Variants in OPCML observed in about 807,000 individuals in gnomAD.
The protein encoded by OPCML is opioid-binding protein/cell adhesion molecule.
In OPCML, 13 loss-of-function variants were observed where a neutral mutation model predicts 37.8. The ratio of observed to expected loss-of-function variants is 0.34; its 90% CI spans 0.22 to 0.55. OPCML has a LOEUF of 0.55. Ranked by LOEUF, OPCML falls within the 20% of genes least tolerant of loss-of-function variation. The pLI is 0.91. For missense variants in OPCML, 341 were observed against 435.6 expected, an observed-to-expected ratio of 0.78 and a Z score of 1.93; for synonymous variants, 176 against 168.8, an observed-to-expected ratio of 1.04 and a Z score of -0.33.
intron 1 of OPCML, among the ~76,000 whole-genome samples, chr11:133,496,962 C>T (rs1947800616): frequency 6.6e-6 from 1 of 152,142 alleles, no homozygotes; most frequent in Non-Finnish European, 1.5e-5. Context: ...TGAGCGTGGG[C>T]ATCCCTGTCT....
intron 2 of OPCML, among the ~76,000 whole-genome samples, chr11:132,726,882 T>C (rs1273015084): frequency 1.3e-5 from 2 of 152,184 alleles, no homozygotes; most frequent in Admixed American, 1.3e-4. Flanking sequence ...CCGCACTTCC[T>C]ACCAAACCCC....
chr11:133,352,368 G>T (rs1944160717), intron 1 of OPCML, among the ~76,000 whole-genome samples: 1 of 152,092 alleles, frequency 6.6e-6, no homozygotes, highest in South Asian at 2.1e-4. Context: ...CCTCTTCTTG[G>T]CCGGGAATGC....
chr11:133,280,032 G>A (rs1263662700), intron 1 of OPCML, among the ~76,000 whole-genome samples: 1 of 152,186 alleles, frequency 6.6e-6, no homozygotes, highest in East Asian at 1.9e-4. Flanking sequence ...CAGGGAAGAA[G>A]TATTTATTGA....
At chr11:132,860,982 G>T (rs1942276845) in intron 2 of OPCML, among the ~76,000 whole-genome samples, 1 of 152,182 alleles carries the variant, frequency 6.6e-6, no homozygotes, top group Non-Finnish European at 1.5e-5. Flanking sequence ...CAACTAAAAT[G>T]CTATACAAAC....
At chr11:132,962,316 T>C (rs1022863062) in intron 1 of OPCML, among the ~76,000 whole-genome samples, 9 of 152,184 alleles carry the variant, frequency 5.9e-5, no homozygotes, top group African/African-American at 1.9e-4. Context: ...GCCCGGGCTC[T>C]CTCTGCCTGC....
At chr11:133,042,350 A>C (rs1947918987) in intron 1 of OPCML, among the ~76,000 whole-genome samples, 1 of 152,208 alleles carries the variant, frequency 6.6e-6, no homozygotes, top group Admixed American at 6.5e-5. Flanking sequence ...GCCCTCATGC[A>C]TGGAGCACTG....
intron 1 of OPCML, among the ~76,000 whole-genome samples, chr11:133,406,029 T>A (rs1431855724): frequency 6.6e-6 from 1 of 152,166 alleles, no homozygotes; most frequent in Non-Finnish European, 1.5e-5. Context: ...TGCTTCCACT[T>A]GTGTAATCAG....
intron 1 of OPCML, among the ~76,000 whole-genome samples, chr11:133,445,097 A>G (rs1245650931): frequency 7.3e-6 from 1 of 137,590 alleles, no homozygotes; most frequent in Non-Finnish European, 1.5e-5. Context: ...GACCATATCC[A>G]TGGTGATCCT....
intron 3 of OPCML, among the ~76,000 whole-genome samples, chr11:132,532,856 G>A (rs975490698): frequency 3.3e-5 from 5 of 152,182 alleles, no homozygotes; most frequent in South Asian, 4.1e-4. Flanking sequence ...TACTTTTAAC[G>A]TAAATTTAAA....
chr11:132,520,527 G>A (rs1402692026), intron 4 of OPCML, among the ~76,000 whole-genome samples: 3 of 152,040 alleles, frequency 2.0e-5, no homozygotes, highest in African/African-American at 7.2e-5. Flanking sequence ...GAATACTAGA[G>A]ACTCATTTTC....
intron 2 of OPCML, among the ~76,000 whole-genome samples, chr11:132,913,676 C>A (rs531219141): frequency 6.6e-5 from 10 of 152,174 alleles, no homozygotes; most frequent in South Asian, 2.1e-4. Context: ...GGACTAGAAT[C>A]GAAAGCTCTC....
At chr11:133,058,427 T>C (rs931713367) in intron 1 of OPCML, among the ~76,000 whole-genome samples, 1 of 152,180 alleles carries the variant, frequency 6.6e-6, no homozygotes, top group Non-Finnish European at 1.5e-5. Context: ...TGCATCCTGA[T>C]ACACACAGAG....
chr11:132,979,098 C>G (rs1338487197), intron 1 of OPCML, among the ~76,000 whole-genome samples: 2 of 152,196 alleles, frequency 1.3e-5, no homozygotes, highest in Non-Finnish European at 2.9e-5. Context: ...CATCAACAAC[C>G]ACTGCCAGAT....
At chr11:132,873,595 G>C (rs1565927196) in intron 2 of OPCML, among the ~76,000 whole-genome samples, 1 of 151,980 alleles carries the variant, frequency 6.6e-6, no homozygotes, top group Admixed American at 6.6e-5. Context: ...AGGCCAAAGG[G>C]GAGAGGAAAG....
chr11:132,584,811 C>A (rs556014408), intron 3 of OPCML, among the ~76,000 whole-genome samples: 1 of 152,166 alleles, frequency 6.6e-6, no homozygotes, highest in African/African-American at 2.4e-5. Context: ...GCCCTTAGAG[C>A]TGAAATAAGT....
intron 2 of OPCML, among the ~76,000 whole-genome samples, chr11:132,742,718 A>C (rs9667705): frequency 0.12 from 18,067 of 148,576 alleles, 1,516 homozygotes; most frequent in African/African-American, 0.23. Flanking sequence ...TGTACCCTAA[A>C]ACTTGAAGTA....
chr11:132,616,366 C>T (rs557471839), intron 3 of OPCML, among the ~76,000 whole-genome samples: 1 of 152,318 alleles, frequency 6.6e-6, no homozygotes, highest in South Asian at 2.1e-4. Context: ...GGTTCACCTC[C>T]AGTAATGATA....
intron 2 of OPCML, among the ~76,000 whole-genome samples, chr11:132,709,264 A>T (rs941302383): frequency 5.3e-5 from 8 of 152,304 alleles, no homozygotes; most frequent in Admixed American, 5.2e-4. Flanking sequence ...GTTCTTAAAA[A>T]AATGCCCAAC....
intron 4 of OPCML, among the ~76,000 whole-genome samples, chr11:132,486,703 CT>C: frequency 7.0e-6 from 1 of 142,238 alleles, no homozygotes; most frequent in East Asian, 2.0e-4. Flanking sequence ...CTTTTTTTCT[CT>C]TTTTTTACAC....
Sources: gnomAD v4.1 joint callset for allele counts (sites outside exome capture counted in the v4.1 genomes callset) on GRCh38, gnomAD v4.1.1 for gene constraint, MANE v1.5 for transcripts, NCBI Gene and HGNC (gene_info 2026-07-23, HGNC 2026-07-21) for gene names.